OTOG: variants seen among roughly 807,000 people sequenced by gnomAD.
OTOG encodes otogelin.
In OTOG, 296 loss-of-function variants were observed where a neutral mutation model predicts 313.8. That is an observed-to-expected ratio of 0.94 (90% CI 0.86 to 1.04). OTOG has a LOEUF of 1.04. Among genes scored for constraint, OTOG ranks in the 50% least tolerant of loss-of-function variants. The pLI is 0.00. For synonymous variants in OTOG, 1,533 were observed against 1,554.9 expected (o/e 0.99, Z 0.33); for missense variants, 3,948 against 3,840.1 (o/e 1.03, Z -0.74).
At chr11:17,635,551 T>G in intron 46 of OTOG, 59 bp from the exon 47 acceptor site, 1 of 1,374,932 alleles carries the variant, frequency 7.3e-7, no homozygotes, top group Non-Finnish European at 1.0e-6. Context: ...AGCAACGTGC[T>G]GTGTGCCAGG....
chr11:17,557,938 A>G (rs1852089965), intron 8 of OTOG, among the ~76,000 whole-genome samples: 1 of 152,164 alleles, frequency 6.6e-6, no homozygotes. Flanking sequence ...ATGGTGCTGC[A>G]TCCCCTGAGT....
At chr11:17,555,205 A>AG (rs527565923) in intron 6 of OTOG, among the ~76,000 whole-genome samples, 25,332 of 144,316 alleles carry the variant, frequency 0.18, 2,307 homozygotes, top group African/African-American at 0.28. Flanking sequence ...GCGGGGGCAG[A>AG]GATGTGTGTG....
intron 39 of OTOG, among the ~76,000 whole-genome samples, chr11:17,617,917 A>AT (rs762600888): frequency 0.079 from 11,215 of 142,612 alleles, 667 homozygotes; most frequent in African/African-American, 0.17. Context: ...TTCTTCTTCT[A>AT]TTTTTTTTTT....
chr11:17,628,318 C>G (rs1026745211), intron 39 of OTOG, among the ~76,000 whole-genome samples: 2 of 151,744 alleles, frequency 1.3e-5, no homozygotes, highest in African/African-American at 4.8e-5. Context: ...TTTTATTGAC[C>G]CACTTGACAT....
At chr11:17,580,945 GAT>G (rs1471350288) in intron 23 of OTOG, among the ~76,000 whole-genome samples, 1 of 152,170 alleles carries the variant, frequency 6.6e-6, no homozygotes, top group Non-Finnish European at 1.5e-5. Context: ...ACAGTGAAAT[GAT>G]AATGGGGTAA....
Position 17,593,703 on chromosome 11 carries a change from C to A in OTOG, c.3235C>A (p.Leu1079Ile). ...LVHFPQEHIT[L>I]LWDQRTTVHV... ...GCATTTCCCACAGGAGCACATCACC[C>A]TCTTGTGGGACCAGAGAACCACAGT... Residue 1079 changes from leucine (L) to isoleucine (I), a missense_variant, in exon 27 of 56, where the codon CTC (leucine) becomes ATC (isoleucine). Coordinates refer to ENST00000399397, the MANE Select transcript of OTOG (RefSeq NM_001292063.2). 1 of 1,548,946 alleles carries A rather than the reference C, an allele frequency of 6.5e-7. No individual in the cohort carries two copies. Among genetic ancestry groups the A allele is most frequent in the Non-Finnish European group, 8.7e-7 (1 of 1,146,982 alleles).
chr11:17,611,967 G>T (rs1383133575), intron 36 of OTOG, among the ~76,000 whole-genome samples, 195 bp from the exon 37 acceptor site: 1 of 151,770 alleles, frequency 6.6e-6, no homozygotes, highest in Non-Finnish European at 1.5e-5. Context: ...ATAGGTCCCT[G>T]ACCCCCGAGC....
chr11:17,566,801 G>A (rs1852301355), intron 15 of OTOG, among the ~76,000 whole-genome samples: 1 of 152,154 alleles, frequency 6.6e-6, no homozygotes, highest in African/African-American at 2.4e-5. Context: ...TATTTACAAA[G>A]CTACTTATGT....
chr11:17,620,072 T>C (rs193050735), intron 39 of OTOG, among the ~76,000 whole-genome samples: 40 of 152,356 alleles, frequency 2.6e-4, no homozygotes, highest in Admixed American at 2.0e-3. Flanking sequence ...GTTGCTCCTG[T>C]CTTTTTTTTA....
Position 17,591,520 on chromosome 11 carries a change from C to T in OTOG, c.2938C>T (p.Arg980Trp), listed in dbSNP as rs1477551446. The change falls in exon 25 of 56, where the codon CGG becomes TGG. Residue 980 changes from arginine to tryptophan, a missense_variant. Arg to Trp is a moderately radical substitution (Grantham distance 101, BLOSUM62 -3). Coordinates refer to ENST00000399397, the MANE Select transcript of OTOG (RefSeq NM_001292063.2). ...CASTCTAYGD[R>W]HYRTFDGLPF... The stretch of plus-strand genomic sequence containing the variant: ...CTCCACCTGCACTGCCTATGGGGAC[C>T]GGCATTACCGCACGTTTGATGGGCT... The T allele has an allele frequency of 3.2e-6, 5 of 1,550,662 alleles. No individual in the cohort carries two copies. The highest frequency in any genetic ancestry group is 1.2e-5 in the South Asian group (1 of 84,060).
chr11:17,621,403 C>G (rs185975761), intron 39 of OTOG, among the ~76,000 whole-genome samples: 5 of 152,296 alleles, frequency 3.3e-5, no homozygotes, highest in East Asian at 1.9e-4. Context: ...ACCCTATACT[C>G]TACATATTAG....
intron 6 of OTOG, among the ~76,000 whole-genome samples, chr11:17,554,207 C>A (rs1197455762): frequency 6.6e-6 from 1 of 152,170 alleles, no homozygotes; most frequent in Non-Finnish European, 1.5e-5. Flanking sequence ...TCCTGACCTT[C>A]CAAGCTGGCT....
intron 43 of OTOG, 92 bp downstream of exon 43, chr11:17,633,966 T>C: frequency 6.8e-7 from 1 of 1,479,088 alleles, no homozygotes; most frequent in South Asian, 1.3e-5. Flanking sequence ...CTGCATCCTT[T>C]CAGGTCTGCT....
At chr11:17,609,000 A>G in intron 34 of OTOG, 130 bp from the exon 35 acceptor site, 1 of 698,830 alleles carries the variant, frequency 1.4e-6, no homozygotes, top group East Asian at 2.7e-5. Flanking sequence ...ATGTGTGTGT[A>G]CACGTAATAA....
rs1056618497 is a variant in OTOG at position 17,547,268 on chromosome 11, A to G, written c.-105A>G. On this transcript the variant is annotated 5_prime_UTR_variant, in exon 1 of 56. Coordinates refer to ENST00000399397, the MANE Select transcript of OTOG (RefSeq NM_001292063.2). Reference sequence around the variant, plus strand: ...GAGGGAGCCCTGGGGCATGAGAACAAGAGGGACCTCGGCTGCGGAGTGGAG... The same window carrying G: ...GAGGGAGCCCTGGGGCATGAGAACAGGAGGGACCTCGGCTGCGGAGTGGAG... 2.1e-6 allele frequency: 2 copies of G among 972,782 alleles called. No individual in the cohort carries two copies. Among genetic ancestry groups the G allele is most frequent in the Admixed American group, 4.0e-5 (1 of 24,862 alleles). The allele number at this position is 972,782 out of a possible 1,614,324, so 60.3% of individuals were successfully genotyped here. A position where few individuals can be genotyped will look rare whatever the true frequency, so the allele number is the denominator to read the frequency against.
chr11:17,559,864 AGAAG>A lies in OTOG; in HGVS notation c.1342+220_1342+223del, dbSNP rs143683334. Among the ~76,000 whole-genome samples, 299 of 140,208 alleles carry A rather than the reference AGAAG, an allele frequency of 2.1e-3. 1 individual carries two copies. Among genetic ancestry groups the A allele is most frequent in the Admixed American group, 3.8e-3 (54 of 14,100 alleles). The allele number at this position is 140,208 out of a possible 152,430, so 92.0% of individuals were successfully genotyped here. A position where few individuals can be genotyped will look rare whatever the true frequency, so the allele number is the denominator to read the frequency against. On this transcript the variant is annotated intron_variant, in intron 12 of 55. Coordinates refer to ENST00000399397, the MANE Select transcript of OTOG (RefSeq NM_001292063.2). Reference sequence around the variant, plus strand: ...AAAAAAGGAGGAAAGAAGGAAGGGAAGAAGGAAGGAAGGAAGGAAGGGAGAGAGG... The same window carrying A: ...AAAAAAGGAGGAAAGAAGGAAGGGAAGAAGGAAGGAAGGAAGGGAGAGAGG...
intron 34 of OTOG, among the ~76,000 whole-genome samples, 152 bp from the exon 35 acceptor site, chr11:17,608,978 C>T (rs573600534): frequency 6.6e-6 from 1 of 152,294 alleles, no homozygotes; most frequent in African/African-American, 2.4e-5. Context: ...GACAGCATCT[C>T]TATGGAGGGT....
chr11:17,570,406 A>G lies in OTOG; in HGVS notation c.1955+16A>G, dbSNP rs1178494142. On this transcript the variant is annotated intron_variant, in intron 17 of 55. Transcript: ENST00000399397. ...ATGACTTCCTGTACGTAGCCCTGCCACGGAACCCGAAGAAGAGGGGAAATG... is the reference window on the plus strand; with the variant it reads ...ATGACTTCCTGTACGTAGCCCTGCCGCGGAACCCGAAGAAGAGGGGAAATG... The G allele has an allele frequency of 4.5e-6, 7 of 1,549,312 alleles. No individual in the cohort carries two copies. The highest frequency in any genetic ancestry group is 4.1e-5 in the African/African-American group (3 of 73,032).
chr11:17,577,905 T>C (rs1852569520), intron 22 of OTOG, among the ~76,000 whole-genome samples: 2 of 151,384 alleles, frequency 1.3e-5, no homozygotes, highest in Admixed American at 1.3e-4. Context: ...AACAGGACCG[T>C]GACTCTCCTT....
Sources: allele counts gnomAD v4.1 joint callset (sites outside exome capture counted in the v4.1 genomes callset), GRCh38; gene constraint gnomAD v4.1.1; transcripts MANE v1.5; gene names NCBI Gene and HGNC (gene_info 2026-07-23, HGNC 2026-07-21).